Variants in MCUR1 observed in about 807,000 individuals in gnomAD.
MCUR1 encodes the protein MCU regulator 1.
In MCUR1, 37 loss-of-function variants were observed where a neutral mutation model predicts 42.0. The observed-to-expected ratio is 0.88, with a 90% CI of 0.68 to 1.16. MCUR1 has a LOEUF of 1.16. MCUR1 is among the 50% of genes most tolerant of loss of function. The pLI is 0.00. For synonymous variants in MCUR1, 229 were observed against 196.2 expected, an observed-to-expected ratio of 1.17 and a Z score of -1.40; for missense variants, 469 against 468.4, an observed-to-expected ratio of 1.00 and a Z score of -0.01.
At chr6:13,794,722 G>A (rs1759815362) in intron 6 of MCUR1, among the ~76,000 whole-genome samples, 1 of 151,502 alleles carries the variant, frequency 6.6e-6, no homozygotes, top group African/African-American at 2.4e-5. Context: ...TTGATCTGGG[G>A]TCCCTGCAAC....
rs1759637046 is a variant in MCUR1, at chr6:13,787,874, T to G, written c.*2935A>C. 2 of 152,164 alleles carry G rather than the reference T, an allele frequency of 1.3e-5. No individual in the cohort carries two copies. Among genetic ancestry groups the G allele is most frequent in the Non-Finnish European group, 2.9e-5 (2 of 68,048 alleles). The allele number at this position is 152,164 out of a possible 1,614,324, so 9.4% of individuals were successfully genotyped here. Reference sequence around the variant, plus strand: ...AGGAGGTTCTATTTACTTATTTATTTATTTTGAGACAGAGTCTCACTGTGT... The same window carrying G: ...AGGAGGTTCTATTTACTTATTTATTGATTTTGAGACAGAGTCTCACTGTGT... On this transcript the variant is annotated 3_prime_UTR_variant, in exon 9 of 9. Coordinates refer to ENST00000379170, the MANE Select transcript of MCUR1 (RefSeq NM_001031713.4).
At position 13,800,062 on chromosome 6, in the gene MCUR1, C is replaced by G. The variant is rs189457962; in HGVS notation, c.783+279G>C. 3.3e-5 allele frequency among the ~76,000 whole-genome samples: 5 copies of G among 151,886 alleles called. No individual in the cohort carries two copies. In the East Asian group the frequency reaches 9.7e-4, roughly 29 times the overall value. On this transcript the variant is annotated intron_variant, in intron 5 of 8. Transcript: ENST00000379170. The stretch of plus-strand genomic sequence containing the variant: ...GGCCAAGCTGGTCTGAACTCCTGAC[C>G]TCAGGTGATCCACCCACCTCGGCCT...
intron 6 of MCUR1, among the ~76,000 whole-genome samples, chr6:13,798,244 C>T (rs1461171574): frequency 2.6e-5 from 4 of 150,994 alleles, no homozygotes; most frequent in South Asian, 2.1e-4. Flanking sequence ...TACAGGTGCC[C>T]GCCACCATGC....
intron 1 of MCUR1, 62 bp from the exon 2 acceptor site, chr6:13,807,106 C>T: frequency 1.3e-6 from 2 of 1,523,032 alleles, no homozygotes; most frequent in Non-Finnish European, 1.8e-6. Flanking sequence ...CAACTCAGCA[C>T]CCAGAGAAAA....
chr6:13,797,605 G>A (rs1480772908), intron 6 of MCUR1, among the ~76,000 whole-genome samples: 1 of 152,122 alleles, frequency 6.6e-6, no homozygotes, highest in Non-Finnish European at 1.5e-5. Context: ...CTACTCTGGA[G>A]GCTGAGGCAG....
intron 3 of MCUR1, 103 bp from the exon 4 acceptor site, chr6:13,801,492 G>T: frequency 1.3e-6 from 1 of 756,134 alleles, no homozygotes; most frequent in Non-Finnish European, 2.2e-6. Context: ...GGACAATGTG[G>T]ACACAAAAAG....
At position 13,800,332 on chromosome 6, in the gene MCUR1, G is replaced by C. The variant is rs199711017; in HGVS notation, c.783+9C>G. On this transcript the variant is annotated intron_variant, in intron 5 of 8. Transcript: ENST00000379170. ...CAAACCAGCCAACAAACAGGAAAGTGAATCTTACCATTACTTGTTGTTTTA... is the reference window on the plus strand; with the variant it reads ...CAAACCAGCCAACAAACAGGAAAGTCAATCTTACCATTACTTGTTGTTTTA... The C allele has an allele frequency of 3.7e-5, 57 of 1,558,538 alleles. No homozygotes were observed. The East Asian group carries it at 7.7e-4, about 21-fold the overall frequency.
At position 13,804,266 on chromosome 6, in the gene MCUR1, T is replaced by C. The variant is rs768063650; in HGVS notation, c.536-1920A>G. ...TGAAACCGGGAGGTGGGGGTTGCAG[T>C]AGGCCAAGACTGTGCCACTGCACTC... On this transcript the variant is annotated intron_variant, in intron 2 of 8. Coordinates refer to ENST00000379170, the MANE Select transcript of MCUR1 (RefSeq NM_001031713.4). 2.9e-5 allele frequency: 5 copies of C among 170,158 alleles called. No individual in the cohort carries two copies. In the South Asian group the frequency reaches 3.3e-4, roughly 11 times the overall value. 10.5% of individuals were successfully genotyped at this position (170,158 alleles called of 1,614,324 possible).
chr6:13,799,511 C>G (rs1377622924), intron 5 of MCUR1, among the ~76,000 whole-genome samples: 1 of 152,108 alleles, frequency 6.6e-6, no homozygotes, highest in Non-Finnish European at 1.5e-5. Context: ...CAAGACTCCT[C>G]ATACAATCTC....
chr6:13,802,048 G>A (rs1412615763), intron 3 of MCUR1, among the ~76,000 whole-genome samples, 195 bp downstream of exon 3: 2 of 152,142 alleles, frequency 1.3e-5, no homozygotes, highest in East Asian at 1.9e-4. Context: ...CAAGCATAAC[G>A]ATTCTACAAC....
In MCUR1 at chr6:13,814,085, G is replaced by C. The variant is rs1760303563; in HGVS notation, c.345C>G (p.Gly115=). 8.1e-7 allele frequency: 1 copy of C among 1,238,556 alleles called. No individual in the cohort carries two copies. The highest frequency in any genetic ancestry group is 4.2e-5 in the Admixed American group (1 of 23,646). 76.7% of individuals were successfully genotyped at this position (1,238,556 alleles called of 1,614,324 possible). A position where few individuals can be genotyped will look rare whatever the true frequency, so the allele number is the denominator to read the frequency against. The change falls in exon 1 of 9, where the codon GGC becomes GGG. Residue 115 remains glycine, a synonymous_variant. Transcript: ENST00000379170. ...GRSSAWRCSP[G]VAAAAGALPQ... ...GAAGGGCGCCGGCGGCAGCGGCGAC[G>C]CCCGGTGAGCACCTCCACGCGCTGC...
At chr6:13,800,708 C>G (rs1759971587) in intron 4 of MCUR1, among the ~76,000 whole-genome samples, 1 of 152,184 alleles carries the variant, frequency 6.6e-6, no homozygotes, top group African/African-American at 2.4e-5. Flanking sequence ...GAGTCTGAAA[C>G]TTTACCACTT....
chr6:13,797,514 C>T (rs1453589840), intron 6 of MCUR1, among the ~76,000 whole-genome samples: 2 of 150,470 alleles, frequency 1.3e-5, no homozygotes, highest in Non-Finnish European at 3.0e-5. Context: ...CGACACCATC[C>T]TGGCTAACAC....
At chr6:13,797,559 T>A (rs1759884653) in intron 6 of MCUR1, among the ~76,000 whole-genome samples, 1 of 151,204 alleles carries the variant, frequency 6.6e-6, no homozygotes, top group Admixed American at 6.6e-5. Context: ...ATACAAAAAA[T>A]TAGCTGGGCG....
rs987572388 is a variant in MCUR1, at chr6:13,801,154, C to T, written c.741+134G>A. Reference sequence around the variant, plus strand: ...GGGACAGTGGGCAAGTTTTCCTGCTCGATCTGACTGGAAGTGCACACTGTT... The same window carrying T: ...GGGACAGTGGGCAAGTTTTCCTGCTTGATCTGACTGGAAGTGCACACTGTT... On this transcript the variant is annotated intron_variant, in intron 4 of 8. Coordinates refer to ENST00000379170, the MANE Select transcript of MCUR1 (RefSeq NM_001031713.4). 30 of 657,300 alleles carry T rather than the reference C, an allele frequency of 4.6e-5. 1 individual carries two copies. The highest frequency in any genetic ancestry group is 3.3e-4 in the East Asian group (12 of 36,388). 40.7% of individuals were successfully genotyped at this position (657,300 alleles called of 1,614,324 possible).
Position 13,802,226 on chromosome 6 carries a change from C to T in MCUR1, c.639+17G>A. The T allele has an allele frequency of 6.2e-7, 1 of 1,607,860 alleles. No individual in the cohort carries two copies. The highest frequency in any genetic ancestry group is 8.5e-7 in the Non-Finnish European group (1 of 1,174,898). ...TCTTCACAGTCCTAATTTGCTAAACCACCCAACAAGGCTAACCTGCTGCAT... is the reference window on the plus strand; with the variant it reads ...TCTTCACAGTCCTAATTTGCTAAACTACCCAACAAGGCTAACCTGCTGCAT... On this transcript the variant is annotated intron_variant, in intron 3 of 8. Transcript: ENST00000379170.
intron 6 of MCUR1, among the ~76,000 whole-genome samples, chr6:13,796,532 C>T (rs1759861854): frequency 6.6e-6 from 1 of 152,126 alleles, no homozygotes. Context: ...GTGATCCACC[C>T]ACCTTGACCT....
At position 13,790,884 on chromosome 6, in the gene MCUR1, G is replaced by C; in HGVS notation, c.1025-20C>G. On this transcript the variant is annotated intron_variant, in intron 8 of 8. Transcript: ENST00000379170. ...TAGACCCTGTAAGAAAAAAACAATTGAGAGTACTATTAGTTCTATTAAGAG... is the reference window on the plus strand; with the variant it reads ...TAGACCCTGTAAGAAAAAAACAATTCAGAGTACTATTAGTTCTATTAAGAG... The C allele has an allele frequency of 1.3e-6, 2 of 1,579,122 alleles. No individual in the cohort carries two copies. The highest frequency in any genetic ancestry group is 2.2e-5 in the East Asian group (1 of 44,574).
chr6:13,793,125 C>CAA (rs781438643), intron 7 of MCUR1, among the ~76,000 whole-genome samples: 5,557 of 87,752 alleles, frequency 0.063, 266 homozygotes, highest in African/African-American at 0.13. Flanking sequence ...GACCCCACCT[C>CAA]AAAAAAAAAA....
Sources: gnomAD v4.1 joint callset for allele counts (sites outside exome capture counted in the v4.1 genomes callset) on GRCh38, gnomAD v4.1.1 for gene constraint, MANE v1.5 for transcripts, NCBI Gene and HGNC (gene_info 2026-07-23, HGNC 2026-07-21) for gene names.